Variants in TECTA observed in about 807,000 individuals in gnomAD.
The protein encoded by TECTA is alpha-tectorin.
A neutral mutation model predicts 216.8 loss-of-function variants in TECTA; 128 were observed. The observed-to-expected ratio is 0.59, with a 90% CI of 0.51 to 0.68. The LOEUF is 0.68. TECTA is among the 30% of genes least tolerant of loss of function. TECTA has a pLI of 0.00. For synonymous variants in TECTA, 1,089 were observed against 1,117.1 expected, an observed-to-expected ratio of 0.97 and a Z score of 0.50; for missense variants, 2,551 against 2,786.2, an observed-to-expected ratio of 0.92 and a Z score of 1.90.
At chr11:121,165,245 G>T in intron 16 of TECTA, 28 bp from the exon 17 acceptor site, 1 of 1,566,880 alleles carries the variant, frequency 6.4e-7, no homozygotes. Flanking sequence ...ATGAAGTTGT[G>T]CATGTTTCTG....
At chr11:121,185,097 G>A (rs1028784412) in intron 20 of TECTA, among the ~76,000 whole-genome samples, 7 of 152,172 alleles carry the variant, frequency 4.6e-5, no homozygotes, top group Admixed American at 2.6e-4. Context: ...AGAGTGAGCC[G>A]GAGAGCATGT....
chr11:121,119,015 A>ATACACG (rs60472463), intron 7 of TECTA, among the ~76,000 whole-genome samples: 1 of 150,234 alleles, frequency 6.7e-6, no homozygotes, highest in African/African-American at 2.4e-5. Flanking sequence ...ACACACACAC[A>ATACACG]CACACACACA....
chr11:121,181,477 T>TATTATTATTA (rs58121293), intron 20 of TECTA, among the ~76,000 whole-genome samples: 1 of 149,072 alleles, frequency 6.7e-6, no homozygotes, highest in African/African-American at 2.5e-5. Flanking sequence ...TTATTATGAT[T>TATTATTATTA]TTATTTTTTG....
chr11:121,118,454 C>T lies in TECTA; in HGVS notation c.939C>T (p.Tyr313=). Residue 313 remains tyrosine (Y), a synonymous_variant, in exon 7 of 24, where the codon TAC becomes TAT. Coordinates refer to ENST00000392793, the MANE Select transcript of TECTA (RefSeq NM_005422.4). ...EVCEPKGKFF[Y]CSAVETSTCV... is the part of the protein sequence containing the mutation. ...GCGAACCCAAAGGCAAATTCTTCTA[C>T]TGCAGCGCTGTGGAGACCAGCACAT... is the stretch of plus-strand genomic sequence containing the variant. 3.1e-6 allele frequency: 5 copies of T among 1,614,224 alleles called. No homozygotes were observed. Among genetic ancestry groups the T allele is most frequent in the East Asian group, 2.2e-5 (1 of 44,890 alleles).
At chr11:121,180,458 C>T (rs1364588488) in intron 20 of TECTA, among the ~76,000 whole-genome samples, 1 of 152,148 alleles carries the variant, frequency 6.6e-6, no homozygotes, top group Non-Finnish European at 1.5e-5. Context: ...CTCTCCTATC[C>T]TACAAGAGTT....
Position 121,168,741 on chromosome 11 carries a change from A to C in TECTA, c.5815A>C (p.Asn1939His). 1 of 1,614,116 alleles carries C rather than the reference A, an allele frequency of 6.2e-7. No individual in the cohort carries two copies. The highest frequency in any genetic ancestry group is 8.5e-7 in the Non-Finnish European group (1 of 1,179,996). The change falls in exon 20 of 24, where the codon AAC (asparagine) becomes CAC (histidine). Residue 1939 changes from asparagine (N) to histidine (H), a missense_variant. Around this residue, in one of 3 missense-constraint regions of TECTA, gnomAD observed 2,375 missense variants for 2,563.9 expected, o/e 0.93. Transcript: ENST00000392793. The stretch of plus-strand genomic sequence containing the variant: ...CATCACCAAGATGGCTCTCTACAAA[A>C]ACGCCTCCTACAAACATCCTTACCG... ...SFITKMALYK[N>H]ASYKHPYRQG...
chr11:121,139,588 G>C (rs985730388), intron 11 of TECTA, among the ~76,000 whole-genome samples: 1 of 152,148 alleles, frequency 6.6e-6, no homozygotes, highest in Admixed American at 6.5e-5. Flanking sequence ...CTACTAGGGA[G>C]GCTGAGACAG....
chr11:121,149,418 A>T (rs1946868762), intron 12 of TECTA, among the ~76,000 whole-genome samples: 1 of 152,230 alleles, frequency 6.6e-6, no homozygotes, highest in Non-Finnish European at 1.5e-5. Context: ...TAATTGTTTT[A>T]AAAAATCCTT....
At chr11:121,163,372 T>C (rs1947019629) in intron 16 of TECTA, among the ~76,000 whole-genome samples, 1 of 148,432 alleles carries the variant, frequency 6.7e-6, no homozygotes, top group Admixed American at 7.0e-5. Context: ...ATACTCATGT[T>C]CTCACTCATA....
At chr11:121,180,513 T>G (rs958922836) in intron 20 of TECTA, among the ~76,000 whole-genome samples, 1 of 152,210 alleles carries the variant, frequency 6.6e-6, no homozygotes, top group Non-Finnish European at 1.5e-5. Flanking sequence ...CTATTATATA[T>G]AACTTGATGC....
rs1470464005 is a variant in TECTA at position 121,113,367 on chromosome 11, G to A, written c.624+158G>A. The stretch of plus-strand genomic sequence containing the variant: ...ACGAGGCTAGTCCTGCCCATGTTTG[G>A]CACCCTGACTCGGCTATGAAATGAA... On this transcript the variant is annotated intron_variant, in intron 5 of 23. Transcript: ENST00000392793. The surrounding 1 kb of genome is among the most constrained non-coding windows in gnomAD (Gnocchi z 4.2). Among the ~76,000 whole-genome samples the A allele has an allele frequency of 1.3e-5, 2 of 151,952 alleles. No homozygotes were observed. Among genetic ancestry groups the A allele is most frequent in the Admixed American group, 6.5e-5 (1 of 15,274 alleles).
In TECTA at chr11:121,105,642, T is replaced by G. The variant is rs1178945338; in HGVS notation, c.65-189T>G. ...TGGAGAAACAATGTCACTCCCATTT[T>G]CCCGTTTCCCAGAGCAGAAGATACT... On this transcript the variant is annotated intron_variant, in intron 2 of 23. Transcript: ENST00000392793. This position sits in a 1 kb window ranked among gnomAD's most constrained non-coding sequence, Gnocchi z 5.3. 6.6e-6 allele frequency among the ~76,000 whole-genome samples: 1 copy of G among 152,198 alleles called. No individual in the cohort carries two copies. The highest frequency in any genetic ancestry group is 1.9e-4 in the East Asian group (1 of 5,200).
intron 4 of TECTA, among the ~76,000 whole-genome samples, chr11:121,111,357 A>T (rs1218624087): frequency 6.6e-6 from 1 of 152,190 alleles, no homozygotes; most frequent in Non-Finnish European, 1.5e-5. Flanking sequence ...AAGTCTTCCA[A>T]CTCCAAATCC....
At chr11:121,152,067 TC>T (rs375951367) in intron 12 of TECTA, among the ~76,000 whole-genome samples, 20 of 152,352 alleles carry the variant, frequency 1.3e-4, no homozygotes, top group African/African-American at 4.6e-4. Context: ...AAGCTGAAGC[TC>T]AGAGAGCCCG....
At chr11:121,168,523 C>T in intron 19 of TECTA, 154 bp from the exon 20 acceptor site, 1 of 1,088,092 alleles carries the variant, frequency 9.2e-7, no homozygotes, top group Non-Finnish European at 1.4e-6. Flanking sequence ...TAAATTGCCC[C>T]ATGTGGCTAG....
intron 4 of TECTA, 106 bp from the exon 5 acceptor site, chr11:121,112,966 T>G: frequency 2.6e-5 from 38 of 1,438,340 alleles, no homozygotes; most frequent in Non-Finnish European, 3.4e-5. Context: ...AGAGCAGCTC[T>G]GAGCTGCCTG....
In TECTA at chr11:121,153,055, G is replaced by A. The variant is rs1317854539; in HGVS notation, c.4280G>A (p.Cys1427Tyr). Residue 1427 changes from cysteine (C) to tyrosine (Y), a missense_variant, in exon 13 of 24, where the codon TGC becomes TAC. This residue lies in a region of TECTA where 2,375 missense variants were observed against 2,563.9 expected (regional missense o/e 0.93). Coordinates refer to ENST00000392793, the MANE Select transcript of TECTA (RefSeq NM_005422.4). ...KSCILPHSCG[C>Y]YSDGKYYEPK... ...TGCATCCTGCCCCACAGCTGCGGCT[G>A]CTACTCCGATGGCAAATATTACGAG... The A allele has an allele frequency of 1.2e-6, 2 of 1,614,000 alleles. No individual in the cohort carries two copies. The highest frequency in any genetic ancestry group is 1.3e-5 in the African/African-American group (1 of 75,056).
chr11:121,175,497 C>T (rs574029127), intron 20 of TECTA, among the ~76,000 whole-genome samples: 13 of 152,148 alleles, frequency 8.5e-5, no homozygotes, highest in South Asian at 6.2e-4. Context: ...TGTAATTGAG[C>T]GGTTTTGAGT....
Position 121,105,986 on chromosome 11 carries a change from CTGT to C in TECTA, c.198+27_198+29del, listed in dbSNP as rs1565515751. The C allele has an allele frequency of 1.2e-6, 2 of 1,614,176 alleles. No homozygotes were observed. Among genetic ancestry groups the C allele is most frequent in the East Asian group, 2.2e-5 (1 of 44,890 alleles). On this transcript the variant is annotated intron_variant, in intron 3 of 23. Coordinates refer to ENST00000392793, the MANE Select transcript of TECTA (RefSeq NM_005422.4). The surrounding 1 kb of genome is among the most constrained non-coding windows in gnomAD (Gnocchi z 5.3). ...CTATGTAAGTGGAGAAGCAGCCCATCTGTTGTTCTCTGGCCCTCCCTTTTGTTT... is the reference window on the plus strand; with the variant it reads ...CTATGTAAGTGGAGAAGCAGCCCATCTGTTCTCTGGCCCTCCCTTTTGTTT...
Sources: allele counts gnomAD v4.1 joint callset (sites outside exome capture counted in the v4.1 genomes callset), GRCh38; gene constraint gnomAD v4.1.1; regional missense constraint gnomAD v4.1.1; non-coding constraint Gnocchi (gnomAD v3.1); transcripts MANE v1.5; gene names NCBI Gene and HGNC (gene_info 2026-07-23, HGNC 2026-07-21).